Variants in PCDH7 observed in about 807,000 individuals in gnomAD.
PCDH7 encodes protocadherin 7, also known as protocadherin-7.
A neutral mutation model predicts 58.9 loss-of-function variants in PCDH7; 17 were observed. The ratio of observed to expected loss-of-function variants is 0.29; its 90% CI spans 0.20 to 0.43. The LOEUF (loss-of-function observed/expected upper bound fraction) is 0.43, where lower values mean the gene tolerates loss of function less well. Among genes scored for constraint, PCDH7 ranks in the 20% least tolerant of loss-of-function variants. PCDH7 has a pLI of 1.00. For synonymous variants in PCDH7, 664 were observed against 616.4 expected (o/e 1.08, Z -1.14); for missense variants, 1,274 against 1,441.0 (o/e 0.88, Z 1.88).
intron 3 of PCDH7, among the ~76,000 whole-genome samples, chr4:30,984,356 G>T (rs78765213): frequency 6.6e-6 from 1 of 152,090 alleles, no homozygotes; most frequent in Admixed American, 6.5e-5. Flanking sequence ...TTTGTTCGAC[G>T]CTTATTGTGA....
At chr4:30,823,844 A>G (rs1728678729) in intron 1 of PCDH7, among the ~76,000 whole-genome samples, 1 of 152,104 alleles carries the variant, frequency 6.6e-6, no homozygotes. Flanking sequence ...AAAAATGAGA[A>G]TTTCCAATTT....
At chr4:31,113,631 T>G (rs1716606387) in intron 3 of PCDH7, among the ~76,000 whole-genome samples, 1 of 152,226 alleles carries the variant, frequency 6.6e-6, no homozygotes, top group Non-Finnish European at 1.5e-5. Context: ...TAAAATAGTT[T>G]ATTTTAATTT....
At chr4:30,847,845 T>C (rs550669669) in intron 1 of PCDH7, among the ~76,000 whole-genome samples, 1 of 152,292 alleles carries the variant, frequency 6.6e-6, no homozygotes, top group Non-Finnish European at 1.5e-5. Flanking sequence ...TATTACTTTG[T>C]TCATATTGGT....
intron 1 of PCDH7, among the ~76,000 whole-genome samples, chr4:30,741,376 T>C (rs973062874): frequency 1.3e-5 from 2 of 151,230 alleles, no homozygotes; most frequent in South Asian, 2.1e-4. Context: ...AAAAAAATTA[T>C]AGAGACAGGG....
chr4:31,101,852 T>C (rs1369442773), intron 3 of PCDH7, among the ~76,000 whole-genome samples: 1 of 152,242 alleles, frequency 6.6e-6, no homozygotes, highest in Non-Finnish European at 1.5e-5. Flanking sequence ...TTGTTGCATC[T>C]GTACACTCTC....
chr4:30,905,334 GT>G (rs1560487582), intron 1 of PCDH7, among the ~76,000 whole-genome samples: 1 of 152,062 alleles, frequency 6.6e-6, no homozygotes, highest in Non-Finnish European at 1.5e-5. Context: ...CTCCAACTGT[GT>G]AATTTACCAT....
downstream of PCDH7, chr4:31,144,762 G>A (rs1266055589): frequency 6.6e-6 from 1 of 152,090 alleles, no homozygotes; most frequent in Non-Finnish European, 1.5e-5. Flanking sequence ...TCATTTTGAT[G>A]TTAGTTTATG....
intron 1 of PCDH7, among the ~76,000 whole-genome samples, chr4:30,765,983 A>G (rs1223943776): frequency 6.6e-6 from 1 of 152,078 alleles, no homozygotes; most frequent in Non-Finnish European, 1.5e-5. Context: ...GGAAGAGCCA[A>G]ATTCCCTTAA....
At chr4:31,017,571 A>G (rs1753717362) in intron 3 of PCDH7, among the ~76,000 whole-genome samples, 1 of 150,242 alleles carries the variant, frequency 6.7e-6, no homozygotes, top group African/African-American at 2.5e-5. Context: ...GATTCATTTG[A>G]CACACACACA....
At chr4:30,969,204 C>G (rs1030928711) in intron 3 of PCDH7, among the ~76,000 whole-genome samples, 6 of 152,106 alleles carry the variant, frequency 3.9e-5, no homozygotes, top group Non-Finnish European at 8.8e-5. Flanking sequence ...CTTGCCGTAC[C>G]AGCTAGTTAA....
intron 1 of PCDH7, among the ~76,000 whole-genome samples, chr4:30,847,385 A>G (rs569239236): frequency 6.6e-6 from 1 of 152,256 alleles, no homozygotes; most frequent in African/African-American, 2.4e-5. Flanking sequence ...GCTTCACACC[A>G]GAAGGCTTTA....
chr4:31,016,870 AGTGTGTGTGCATAT>A (rs1560578473), intron 3 of PCDH7, among the ~76,000 whole-genome samples: 2 of 111,154 alleles, frequency 1.8e-5, no homozygotes, highest in Admixed American at 8.8e-5. Flanking sequence ...GTGTGTGCTG[AGTGTGTGTGCATAT>A]GTGTGTGTGC....
At chr4:30,780,771 T>G (rs1053490015) in intron 1 of PCDH7, among the ~76,000 whole-genome samples, 1 of 152,188 alleles carries the variant, frequency 6.6e-6, no homozygotes, top group Admixed American at 6.5e-5. Context: ...TATGTTTGTT[T>G]GTTTTTTCTT....
chr4:31,135,139 T>A (rs1719442528), intron 3 of PCDH7, among the ~76,000 whole-genome samples: 1 of 152,172 alleles, frequency 6.6e-6, no homozygotes, highest in African/African-American at 2.4e-5. Context: ...GTTTAGGTTG[T>A]CTTGTCCTGA....
In PCDH7 at chr4:30,723,926, T is replaced by C; in HGVS notation, c.2504T>C (p.Val835Ala). Residue 835 changes from valine to alanine, a missense_variant, in exon 1 of 2, where the codon GTG (valine) becomes GCG (alanine). Physicochemically the swap from Val to Ala is moderately conservative, Grantham distance 64. Coordinates refer to ENST00000361762, the Ensembl canonical transcript of PCDH7. This position sits in a 1 kb window ranked among gnomAD's most constrained non-coding sequence, Gnocchi z 4.6. Reference sequence around the variant, plus strand: ...CCTTCCCAGTCCACCACGACTCTGGTGCACGTGTTTGTCAATGAAAGTGTT... The same window carrying C: ...CCTTCCCAGTCCACCACGACTCTGGCGCACGTGTTTGTCAATGAAAGTGTT... 2 of 1,614,044 alleles carry C rather than the reference T, an allele frequency of 1.2e-6. No individual in the cohort carries two copies. Among genetic ancestry groups the C allele is most frequent in the Non-Finnish European group, 1.7e-6 (2 of 1,180,010 alleles).
chr4:31,142,619 G>A (rs750388160), exon 4 of PCDH7: 1 of 1,367,678 alleles, frequency 7.3e-7, no homozygotes, highest in Non-Finnish European at 9.8e-7. Flanking sequence ...TTTCATGCCT[G>A]TTGATGAACG....
intron 1 of PCDH7, among the ~76,000 whole-genome samples, chr4:30,751,173 C>T (rs997560220): frequency 2.0e-5 from 3 of 152,220 alleles, no homozygotes; most frequent in South Asian, 4.1e-4. Flanking sequence ...TTAAAAACTA[C>T]TTCCAACTTC....
At chr4:30,850,485 G>A (rs1732581712) in intron 1 of PCDH7, among the ~76,000 whole-genome samples, 1 of 152,054 alleles carries the variant, frequency 6.6e-6, no homozygotes, top group Non-Finnish European at 1.5e-5. Flanking sequence ...GAGAACCTAA[G>A]TGACTTACCC....
intron 1 of PCDH7, among the ~76,000 whole-genome samples, chr4:30,808,996 T>C (rs1726625974): frequency 6.6e-6 from 1 of 152,204 alleles, no homozygotes; most frequent in Admixed American, 6.5e-5. Flanking sequence ...AAATGGCAAT[T>C]TGTCCTCAAA....
Sources: gnomAD v4.1 joint callset for allele counts (sites outside exome capture counted in the v4.1 genomes callset) on GRCh38, gnomAD v4.1.1 for gene constraint, Gnocchi (gnomAD v3.1) non-coding constraint, MANE v1.5 for transcripts, NCBI Gene and HGNC (gene_info 2026-07-23, HGNC 2026-07-21) for gene names.